Variants in GPD2 observed in about 807,000 individuals in gnomAD.
GPD2 encodes the protein glycerol-3-phosphate dehydrogenase, mitochondrial.
A neutral mutation model predicts 82.4 loss-of-function variants in GPD2; 54 were observed. The ratio of observed to expected loss-of-function variants is 0.66; its 90% CI spans 0.53 to 0.82. The LOEUF is 0.82. GPD2 is among the 40% of genes least tolerant of loss of function. GPD2 has a pLI of 0.00. For synonymous variants in GPD2, 288 were observed against 306.1 expected (o/e 0.94, Z 0.62); for missense variants, 748 against 896.2 (o/e 0.83, Z 2.11).
chr2:156,453,741 G>A (rs1195587399), intron 1 of GPD2, among the ~76,000 whole-genome samples: 1 of 152,184 alleles, frequency 6.6e-6, no homozygotes, highest in African/African-American at 2.4e-5. Context: ...GCTGGGCATG[G>A]TGGCACATGC....
At chr2:156,441,817 G>T (rs574102276) in intron 1 of GPD2, among the ~76,000 whole-genome samples, 40 of 152,242 alleles carry the variant, frequency 2.6e-4, no homozygotes, top group African/African-American at 7.7e-4. Context: ...CATTCTAGTT[G>T]GTGCCCCTAG....
chr2:156,572,436 A>G (rs1388528621), intron 13 of GPD2, among the ~76,000 whole-genome samples: 1 of 152,086 alleles, frequency 6.6e-6, no homozygotes, highest in African/African-American at 2.4e-5. Flanking sequence ...GGTCACCGGT[A>G]TCTGTCACAT....
At chr2:156,514,415 AC>A (rs1186110059) in intron 6 of GPD2, among the ~76,000 whole-genome samples, 1 of 147,264 alleles carries the variant, frequency 6.8e-6, no homozygotes, top group Non-Finnish European at 1.5e-5. Flanking sequence ...TGAGCCCCCC[AC>A]CCCCGTTGTA....
chr2:156,567,157 T>C (rs532198033), intron 9 of GPD2, among the ~76,000 whole-genome samples: 5 of 152,262 alleles, frequency 3.3e-5, no homozygotes, highest in African/African-American at 9.6e-5. Flanking sequence ...TTCTCTATTC[T>C]ATGAGGTACC....
chr2:156,429,668 A>G, the GPD2 span, among the ~76,000 whole-genome samples: 1 of 152,324 alleles, frequency 6.6e-6, no homozygotes, highest in South Asian at 2.1e-4. Flanking sequence ...TTAAAAATAT[A>G]TTTAGTATTT....
At chr2:156,551,684 C>T (rs1278787475) in intron 8 of GPD2, among the ~76,000 whole-genome samples, 2 of 152,196 alleles carry the variant, frequency 1.3e-5, no homozygotes, top group East Asian at 3.9e-4. Context: ...CATAACCACA[C>T]AAGGGCATAT....
At chr2:156,456,059 G>C (rs986315206) in intron 1 of GPD2, among the ~76,000 whole-genome samples, 1 of 152,198 alleles carries the variant, frequency 6.6e-6, no homozygotes, top group Non-Finnish European at 1.5e-5. Context: ...ACTTCATCCT[G>C]TGTTCTTTTC....
chr2:156,515,922 A>G lies in GPD2; in HGVS notation c.661+2426A>G, dbSNP rs145433833. On this transcript the variant is annotated intron_variant, in intron 6 of 16. Coordinates refer to ENST00000438166, the MANE Select transcript of GPD2 (RefSeq NM_000408.5). ...TTACATGTGGGGCAACTCTTGTTTT[A>G]CATAATATGGTGTGATGATCAAATT... Among the ~76,000 whole-genome samples, 1,000 of 152,356 alleles carry G rather than the reference A, an allele frequency of 6.6e-3. 13 individuals carry two copies. The highest frequency in any genetic ancestry group is 0.023 in the African/African-American group (956 of 41,584).
rs760782656 is a variant in GPD2 at position 156,582,949 on chromosome 2, A to G, written c.*31A>G. ...GGCAGTAAATCCACAGCCAACAAAC[A>G]TAGAAACGACAAATCACCATGTAAC... On this transcript the variant is annotated 3_prime_UTR_variant, in exon 17 of 17. Coordinates refer to ENST00000438166, the MANE Select transcript of GPD2 (RefSeq NM_000408.5). 7 of 1,610,694 alleles carry G rather than the reference A, an allele frequency of 4.3e-6. No individual in the cohort carries two copies. Among genetic ancestry groups the G allele is most frequent in the Middle Eastern group, 1.6e-4 (1 of 6,064 alleles).
intron 1 of GPD2, among the ~76,000 whole-genome samples, chr2:156,442,066 A>C (rs1682194391): frequency 6.6e-6 from 1 of 152,140 alleles, no homozygotes; most frequent in South Asian, 2.1e-4. Flanking sequence ...TTCAAGCCTT[A>C]TGTTTTTTGA....
chr2:156,528,746 T>C (rs1457373399), intron 6 of GPD2, among the ~76,000 whole-genome samples: 1 of 152,116 alleles, frequency 6.6e-6, no homozygotes, highest in Admixed American at 6.5e-5. Flanking sequence ...ATTTCATCCA[T>C]GTCCCTACAA....
intron 10 of GPD2, 148 bp downstream of exon 10, chr2:156,569,107 G>T (rs887649368): frequency 2.7e-6 from 2 of 732,370 alleles, no homozygotes; most frequent in African/African-American, 3.6e-5. Flanking sequence ...GGGATTACAG[G>T]CATGAGCCAC....
chr2:156,429,435 T>C, the GPD2 span, among the ~76,000 whole-genome samples: 2 of 152,238 alleles, frequency 1.3e-5, no homozygotes, highest in East Asian at 3.8e-4. Flanking sequence ...ACAACATTAT[T>C]GAGTTTACAT....
At chr2:156,574,971 T>G (rs1687764449) in intron 13 of GPD2, among the ~76,000 whole-genome samples, 1 of 152,202 alleles carries the variant, frequency 6.6e-6, no homozygotes, top group African/African-American at 2.4e-5. Context: ...TCTCCCTGTT[T>G]TTATGTGTGA....
chr2:156,510,536 C>T (rs1684958056), intron 3 of GPD2, among the ~76,000 whole-genome samples: 1 of 152,168 alleles, frequency 6.6e-6, no homozygotes, highest in Non-Finnish European at 1.5e-5. Context: ...ATGTTACTGC[C>T]ATGAAATTGC....
chr2:156,553,330 T>A (rs1207619734), intron 8 of GPD2, among the ~76,000 whole-genome samples: 1 of 152,174 alleles, frequency 6.6e-6, no homozygotes, highest in Non-Finnish European at 1.5e-5. Context: ...ATTTTTTGAA[T>A]GAATCCTCCT....
intron 1 of GPD2, among the ~76,000 whole-genome samples, chr2:156,475,755 G>C (rs1407075005): frequency 6.6e-6 from 1 of 152,198 alleles, no homozygotes; most frequent in Non-Finnish European, 1.5e-5. Context: ...AAATTTACAA[G>C]TATAGCATGC....
At chr2:156,439,506 T>TCC (rs1682065886) in intron 1 of GPD2, among the ~76,000 whole-genome samples, 1 of 97,780 alleles carries the variant, frequency 1.0e-5, no homozygotes, top group Non-Finnish European at 1.9e-5. Context: ...TGCTTGAGAC[T>TCC]GTCTCAGAAA....
chr2:156,499,873 ATAGTAAGAC>A (rs2105249680), intron 3 of GPD2, among the ~76,000 whole-genome samples: 1 of 152,012 alleles, frequency 6.6e-6, no homozygotes, highest in South Asian at 2.1e-4. Flanking sequence ...AGCTCTGAGA[ATAGTAAGAC>A]TAGTAAGATG....
Sources: gnomAD v4.1 joint callset for allele counts (sites outside exome capture counted in the v4.1 genomes callset) on GRCh38, gnomAD v4.1.1 for gene constraint, MANE v1.5 for transcripts, NCBI Gene and HGNC (gene_info 2026-07-23, HGNC 2026-07-21) for gene names.